The following POU2F3 variants were observed in gnomAD, a reference collection of about 807,000 sequenced individuals.
The protein encoded by POU2F3 is POU class 2 homeobox 3.
In POU2F3, 23 loss-of-function variants were observed where a neutral mutation model predicts 59.2. The observed-to-expected ratio is 0.39, with a 90% confidence interval of 0.28 to 0.55. The LOEUF (loss-of-function observed/expected upper bound fraction) is 0.55, where lower values mean the gene tolerates loss of function less well. Among genes scored for constraint, POU2F3 ranks in the 20% least tolerant of loss-of-function variants. The pLI is 0.66. For missense variants in POU2F3, 473 were observed against 544.5 expected, an observed-to-expected ratio of 0.87 and a Z score of 1.31; for synonymous variants, 190 against 214.6, an observed-to-expected ratio of 0.89 and a Z score of 1.00.
At chr11:120,288,829 T>TAAGCAC (rs1394927038) in intron 3 of POU2F3, among the ~76,000 whole-genome samples, 2 of 149,918 alleles carry the variant, frequency 1.3e-5, no homozygotes, top group Admixed American at 6.6e-5. Context: ...ATGTATTACA[T>TAAGCAC]ATGTACATGT....
At chr11:120,277,513 C>T (rs1170986619) in intron 3 of POU2F3, among the ~76,000 whole-genome samples, 1 of 152,034 alleles carries the variant, frequency 6.6e-6, no homozygotes, top group Admixed American at 6.5e-5. Flanking sequence ...CGGTGCCTCA[C>T]GCCTGTAATC....
At chr11:120,239,231 C>T (rs1490143988), upstream of POU2F3, among the ~76,000 whole-genome samples, 1 of 152,234 alleles carries the variant, frequency 6.6e-6, no homozygotes, top group Non-Finnish European at 1.5e-5. Context: ...CTGCACACAG[C>T]TTTCTGGGCT....
intron 1 of POU2F3, 140 bp downstream of exon 1, chr11:120,240,511 G>C (rs890892803): frequency 4.3e-6 from 5 of 1,166,000 alleles, no homozygotes; most frequent in East Asian, 6.4e-5. Flanking sequence ...GGGTTGTCCT[G>C]GGGTGGGTGC....
chr11:120,304,205 C>T (rs1941419895), intron 6 of POU2F3: 1 of 151,906 alleles, frequency 6.6e-6, no homozygotes, highest in African/African-American at 2.4e-5. Context: ...GTGGCACACG[C>T]CTGTAGCCCC....
At chr11:120,267,133 C>CT (rs539220664) in intron 2 of POU2F3, among the ~76,000 whole-genome samples, 2,322 of 142,594 alleles carry the variant, frequency 0.016, 40 homozygotes, top group African/African-American at 0.049. Flanking sequence ...TAGCAGATCT[C>CT]TTTTTTTTTT....
intron 3 of POU2F3, among the ~76,000 whole-genome samples, chr11:120,289,588 A>C (rs114931633): frequency 0.018 from 2,813 of 152,082 alleles, 86 homozygotes; most frequent in African/African-American, 0.063. Context: ...AGCAGTCCCA[A>C]ATTGCTGGTA....
intron 2 of POU2F3, among the ~76,000 whole-genome samples, chr11:120,260,290 A>G (rs899011998): frequency 2.0e-5 from 3 of 152,210 alleles, no homozygotes; most frequent in East Asian, 3.9e-4. Flanking sequence ...CTGTTGGCTC[A>G]TCTTGGAGGT....
intron 2 of POU2F3, among the ~76,000 whole-genome samples, chr11:120,264,190 T>TACACAC (rs35186745): frequency 0.034 from 4,581 of 133,048 alleles, 103 homozygotes; most frequent in African/African-American, 0.056. Context: ...TAAGACCTCA[T>TACACAC]ACACACACAC....
At chr11:120,281,370 C>T (rs542707228) in intron 3 of POU2F3, among the ~76,000 whole-genome samples, 11 of 152,062 alleles carry the variant, frequency 7.2e-5, no homozygotes, top group African/African-American at 2.4e-4. Flanking sequence ...TGGCCTGCAA[C>T]TCAGTAGCAG....
intron 3 of POU2F3, among the ~76,000 whole-genome samples, chr11:120,272,763 C>A (rs1251456940): frequency 6.6e-6 from 1 of 152,200 alleles, no homozygotes. Flanking sequence ...GACCCAGAAG[C>A]AAGGCCAACC....
At chr11:120,272,303 A>G (rs1591398089) in intron 3 of POU2F3, among the ~76,000 whole-genome samples, 1 of 152,158 alleles carries the variant, frequency 6.6e-6, no homozygotes. Context: ...ATTTGAACCC[A>G]TATCTCTTTG....
rs781264094 is a variant in POU2F3 at position 120,317,306 on chromosome 11, G to A, written c.1213G>A (p.Ala405Thr). The A allele has an allele frequency of 2.1e-5, 34 of 1,613,974 alleles. No individual in the cohort carries two copies. In the Admixed American group the frequency reaches 5.7e-4, roughly 27 times the overall value. The change falls in exon 12 of 13, where the codon GCA becomes ACA. Residue 405 changes from alanine (A) to threonine (T), a missense_variant. Physicochemically the swap from Ala to Thr is moderately conservative, Grantham distance 58. Transcript: ENST00000543440. ...GSGLHASSPT[A>T]SQNNSKAAVN... ...AGGACTCCACGCCAGCAGCCCCACT[G>A]CATCTCAAAATAACTCCAAAGCAGC... is the stretch of plus-strand genomic sequence containing the variant.
At chr11:120,311,746 T>C (rs1565390891) in intron 10 of POU2F3, among the ~76,000 whole-genome samples, 1 of 151,858 alleles carries the variant, frequency 6.6e-6, no homozygotes, top group East Asian at 1.9e-4. Flanking sequence ...GACTAGGGAG[T>C]CACAAGTGTG....
upstream of POU2F3, among the ~76,000 whole-genome samples, chr11:120,238,827 TAAAA>T (rs56948018): frequency 2.3e-4 from 11 of 48,336 alleles, no homozygotes; most frequent in East Asian, 6.9e-4. Context: ...AGACTCTGTC[TAAAA>T]AAAAAAAAAA....
chr11:120,302,341 AC>A lies in POU2F3; in HGVS notation c.418del (p.Gln140ArgfsTer21). On this transcript the variant is annotated frameshift_variant, in exon 6 of 13. Coordinates refer to ENST00000543440, the MANE Select transcript of POU2F3 (RefSeq NM_014352.4). LOFTEE classifies it high-confidence loss of function. ...AGCAACAAAGCGGTCTCCTCCTCCC[AC>A]AGACTGGGCCGGGACTGGCATCCCA... The part of the protein sequence containing the change: ...PQQQSGLLLP[Q>X]TGPGLASQAF... 2.5e-6 allele frequency: 4 copies of A among 1,612,220 alleles called. No homozygotes were observed. The highest frequency in any genetic ancestry group is 3.4e-6 in the Non-Finnish European group (4 of 1,178,362).
intron 3 of POU2F3, among the ~76,000 whole-genome samples, chr11:120,286,872 T>A (rs1940802160): frequency 6.6e-6 from 1 of 152,112 alleles, no homozygotes; most frequent in Non-Finnish European, 1.5e-5. Flanking sequence ...CTGGCCCTGC[T>A]CCTCATGCAG....
At chr11:120,286,076 G>A (rs1257346589) in intron 3 of POU2F3, among the ~76,000 whole-genome samples, 1 of 152,030 alleles carries the variant, frequency 6.6e-6, no homozygotes. Context: ...ATAGAGATGG[G>A]GTTTTGCCAT....
chr11:120,246,636 G>C, intron 2 of POU2F3, 119 bp downstream of exon 2: 1 of 1,036,898 alleles, frequency 9.6e-7, no homozygotes, highest in Non-Finnish European at 1.4e-6. Context: ...CCAAAGCTAG[G>C]TCTTAGGAAC....
chr11:120,246,545 A>AG (rs996177829), intron 2 of POU2F3, 28 bp downstream of exon 2: 1 of 1,418,060 alleles, frequency 7.1e-7, no homozygotes, highest in Non-Finnish European at 9.9e-7. Flanking sequence ...TCGGGGATGG[A>AG]GGGGGTGGGG....
Sources: allele counts gnomAD v4.1 joint callset (sites outside exome capture counted in the v4.1 genomes callset), GRCh38; gene constraint gnomAD v4.1.1; transcripts MANE v1.5; gene names NCBI Gene and HGNC (gene_info 2026-07-23, HGNC 2026-07-21).